SPPL2A: variants seen among roughly 807,000 people sequenced by gnomAD.
The protein encoded by SPPL2A is signal peptide peptidase like 2A.
A neutral mutation model predicts 63.8 loss-of-function variants in SPPL2A; 51 were observed. That is an observed-to-expected ratio of 0.80 (90% CI 0.64 to 1.01). The LOEUF (loss-of-function observed/expected upper bound fraction) is 1.01. Among genes scored for constraint, SPPL2A ranks in the 50% least tolerant of loss-of-function variants. SPPL2A has a pLI of 0.00. For synonymous variants in SPPL2A, 188 were observed against 205.8 expected, an observed-to-expected ratio of 0.91 and a Z score of 0.74; for missense variants, 553 against 622.7, an observed-to-expected ratio of 0.89 and a Z score of 1.19.
At chr15:50,764,122 T>G (rs1366457436) in intron 1 of SPPL2A, among the ~76,000 whole-genome samples, 1 of 152,200 alleles carries the variant, frequency 6.6e-6, no homozygotes, top group Admixed American at 6.5e-5. Context: ...TTAATTTATG[T>G]TGAGAAGGGA....
rs897169872 is a variant in SPPL2A, at chr15:50,707,625, A to T, written c.*175T>A. On this transcript the variant is annotated 3_prime_UTR_variant, in exon 15 of 15. Coordinates refer to ENST00000261854, the MANE Select transcript of SPPL2A (RefSeq NM_032802.4). The stretch of plus-strand genomic sequence containing the variant: ...AATGTGAAGGCACAACTTTAACATT[A>T]AAAGCAAAGCGTTTTAGTTATTTAT... 11 of 556,618 alleles carry T rather than the reference A, an allele frequency of 2.0e-5. No homozygotes were observed. Among genetic ancestry groups the T allele is most frequent in the African/African-American group, 1.9e-4 (10 of 53,166 alleles). 34.5% of individuals were successfully genotyped at this position (556,618 alleles called of 1,614,324 possible).
At chr15:50,756,680 G>C (rs1415822817) in intron 1 of SPPL2A, among the ~76,000 whole-genome samples, 1 of 152,160 alleles carries the variant, frequency 6.6e-6, no homozygotes, top group Non-Finnish European at 1.5e-5. Flanking sequence ...GAGGCCAGGA[G>C]TTTGAGATGA....
chr15:50,706,161 G>T lies in SPPL2A; in HGVS notation c.*1639C>A, dbSNP rs2062506150. 1 of 151,936 alleles carries T rather than the reference G, an allele frequency of 6.6e-6. No homozygotes were observed. The highest frequency in any genetic ancestry group is 1.5e-5 in the Non-Finnish European group (1 of 67,972). 9.4% of individuals were successfully genotyped at this position (151,936 alleles called of 1,614,324 possible). A position where few individuals can be genotyped will look rare whatever the true frequency, so the allele number is the denominator to read the frequency against. ...AATCCCAGCACTTTGGGAGGCCGAG[G>T]CGGGCGGATCACGAGGTCAGGAGAT... is the stretch of plus-strand genomic sequence containing the variant. On this transcript the variant is annotated 3_prime_UTR_variant, in exon 15 of 15. Transcript: ENST00000261854.
At position 50,748,168 on chromosome 15, in the gene SPPL2A, TC is replaced by T; in HGVS notation, c.394del (p.Asp132MetfsTer2). 2.0e-6 allele frequency: 3 copies of T among 1,510,470 alleles called. No homozygotes were observed. Among genetic ancestry groups the T allele is most frequent in the Non-Finnish European group, 2.7e-6 (3 of 1,128,778 alleles). 93.6% of individuals were successfully genotyped at this position (1,510,470 alleles called of 1,614,324 possible). ...TATAAATGCAATCAGTATTTTCACA[TC>T]AGGAAATTCAGATCTGTTACCTGAG... ...PPSGNRSEFP[D>X]VKILIAFISY... On this transcript the variant is annotated frameshift_variant, in exon 4 of 15. Transcript: ENST00000261854. LOFTEE classifies it high-confidence loss of function.
rs750833139 is a variant in SPPL2A at position 50,707,765 on chromosome 15, A to C, written c.*35T>G. 5.0e-5 allele frequency: 55 copies of C among 1,090,316 alleles called. No individual in the cohort carries two copies. Among genetic ancestry groups the C allele is most frequent in the Non-Finnish European group, 7.4e-5 (53 of 714,438 alleles). 67.5% of individuals were successfully genotyped at this position (1,090,316 alleles called of 1,614,324 possible). A position where few individuals can be genotyped will look rare whatever the true frequency, so the allele number is the denominator to read the frequency against. ...TAAAAAGTCGAAGTCTATTTGTAGA[A>C]AATCAATGACACATTATAGCAGTTC... is the stretch of plus-strand genomic sequence containing the variant. On this transcript the variant is annotated 3_prime_UTR_variant, in exon 15 of 15. Coordinates refer to ENST00000261854, the MANE Select transcript of SPPL2A (RefSeq NM_032802.4).
At chr15:50,759,612 G>A (rs957583770) in intron 1 of SPPL2A, among the ~76,000 whole-genome samples, 5 of 152,020 alleles carry the variant, frequency 3.3e-5, no homozygotes, top group Non-Finnish European at 5.9e-5. Context: ...GCATGGTGGC[G>A]GGTGCCTGCA....
chr15:50,750,163 G>C (rs569322221), intron 1 of SPPL2A, among the ~76,000 whole-genome samples: 91 of 152,234 alleles, frequency 6.0e-4, no homozygotes, highest in African/African-American at 2.1e-3. Context: ...GAGTGCAGTA[G>C]CACAATCTTG....
intron 14 of SPPL2A, among the ~76,000 whole-genome samples, chr15:50,711,412 T>TGTTG (rs1189467979): frequency 1.3e-5 from 2 of 152,188 alleles, no homozygotes; most frequent in Admixed American, 1.3e-4. Context: ...GATTTCACTA[T>TGTTG]GTTGGCCAGG....
intron 12 of SPPL2A, among the ~76,000 whole-genome samples, chr15:50,722,420 T>C (rs1190542339): frequency 1.3e-5 from 2 of 152,244 alleles, no homozygotes; most frequent in East Asian, 3.8e-4. Context: ...TTTTTAACTA[T>C]CATTTTTATC....
chr15:50,761,163 C>T (rs2063007901), intron 1 of SPPL2A, among the ~76,000 whole-genome samples: 1 of 148,800 alleles, frequency 6.7e-6, no homozygotes, highest in South Asian at 2.1e-4. Context: ...ACACAAGCCA[C>T]CATGCTCAGC....
chr15:50,722,199 G>A lies in SPPL2A; in HGVS notation c.1252C>T (p.Leu418=). Residue 418 remains leucine (L), a splice_region_variant and synonymous_variant, in exon 13 of 15, where the codon CTG becomes TTG. Coordinates refer to ENST00000261854, the MANE Select transcript of SPPL2A (RefSeq NM_032802.4). ...AATCTTCTACAGTATGCAATCAACAGGCCTTAAAAACAAAACAAAACATTA... is the reference window on the plus strand; with the variant it reads ...AATCTTCTACAGTATGCAATCAACAAGCCTTAAAAACAAAACAAAACATTA... The part of the protein sequence containing the change: ...LGFGDIIVPG[L]LIAYCRRFDV... 3 of 1,573,474 alleles carry A rather than the reference G, an allele frequency of 1.9e-6. No individual in the cohort carries two copies. The highest frequency in any genetic ancestry group is 2.6e-6 in the Non-Finnish European group (3 of 1,148,120).
chr15:50,741,058 G>T (rs984450982), intron 5 of SPPL2A, among the ~76,000 whole-genome samples: 2 of 152,128 alleles, frequency 1.3e-5, no homozygotes, highest in Non-Finnish European at 2.9e-5. Context: ...ACGAAATATT[G>T]TATCAACCCT....
At position 50,706,525 on chromosome 15, in the gene SPPL2A, C is replaced by T. The variant is rs1159550078; in HGVS notation, c.*1275G>A. Reference sequence around the variant, plus strand: ...TTGCTGTTGTTGCCAATTCTTTTCTCTGAACCGCACTTTGTACATCCTCCA... The same window carrying T: ...TTGCTGTTGTTGCCAATTCTTTTCTTTGAACCGCACTTTGTACATCCTCCA... On this transcript the variant is annotated 3_prime_UTR_variant, in exon 15 of 15. Coordinates refer to ENST00000261854, the MANE Select transcript of SPPL2A (RefSeq NM_032802.4). 6.6e-6 allele frequency: 1 copy of T among 151,284 alleles called. No individual in the cohort carries two copies. Among genetic ancestry groups the T allele is most frequent in the South Asian group, 2.1e-4 (1 of 4,792 alleles). 9.4% of individuals were successfully genotyped at this position (151,284 alleles called of 1,614,324 possible).
At chr15:50,753,192 A>G (rs567070396) in intron 1 of SPPL2A, among the ~76,000 whole-genome samples, 4 of 152,294 alleles carry the variant, frequency 2.6e-5, no homozygotes, top group South Asian at 2.1e-4. Flanking sequence ...AGTGATATTT[A>G]TAGTATAATC....
intron 14 of SPPL2A, among the ~76,000 whole-genome samples, chr15:50,715,663 G>A (rs1219040920): frequency 1.3e-5 from 2 of 152,016 alleles, no homozygotes; most frequent in African/African-American, 4.8e-5. Flanking sequence ...AGACACTTTT[G>A]TATTGCTTAT....
chr15:50,759,934 T>A lies in SPPL2A; in HGVS notation c.66+5534A>T, dbSNP rs79565005. On this transcript the variant is annotated intron_variant, in intron 1 of 14. Coordinates refer to ENST00000261854, the MANE Select transcript of SPPL2A (RefSeq NM_032802.4). Reference sequence around the variant, plus strand: ...TAGGTGTTGAATTTTGGGAAAGAGATATATAGCCATTAGTGACTTAGAAAG... The same window carrying A: ...TAGGTGTTGAATTTTGGGAAAGAGAAATATAGCCATTAGTGACTTAGAAAG... 8.5e-5 allele frequency among the ~76,000 whole-genome samples: 13 copies of A among 152,216 alleles called. No individual in the cohort carries two copies. In the East Asian group the frequency reaches 2.5e-3, roughly 29 times the overall value.
chr15:50,729,865 A>G (rs989060883), intron 10 of SPPL2A, among the ~76,000 whole-genome samples: 1 of 152,056 alleles, frequency 6.6e-6, no homozygotes, highest in African/African-American at 2.4e-5. Flanking sequence ...GCCAAGCACT[A>G]TGGCTCATGC....
intron 14 of SPPL2A, among the ~76,000 whole-genome samples, chr15:50,719,363 G>C (rs2062625760): frequency 1.3e-5 from 2 of 152,102 alleles, no homozygotes. Flanking sequence ...TCCTGCCTCA[G>C]CCTCCCAAGT....
At chr15:50,762,735 CT>C (rs72181864) in intron 1 of SPPL2A, among the ~76,000 whole-genome samples, 170 of 137,050 alleles carry the variant, frequency 1.2e-3, no homozygotes, top group East Asian at 3.0e-3. Flanking sequence ...TTTTTCTTTT[CT>C]TTTTTTTTTT....
Sources: gnomAD v4.1 joint callset for allele counts (sites outside exome capture counted in the v4.1 genomes callset) on GRCh38, gnomAD v4.1.1 for gene constraint, MANE v1.5 for transcripts, NCBI Gene and HGNC (gene_info 2026-07-23, HGNC 2026-07-21) for gene names.